Variants in RASSF5 observed in about 807,000 individuals in gnomAD.
RASSF5 encodes ras association domain-containing protein 5.
A neutral mutation model predicts 40.5 loss-of-function variants in RASSF5; 25 were observed. That is an observed-to-expected ratio of 0.62 (90% confidence interval 0.45 to 0.86). RASSF5 has a LOEUF of 0.86. RASSF5 is among the 40% of genes least tolerant of loss of function. RASSF5 has a pLI of 0.00. For missense variants in RASSF5, 521 were observed against 572.8 expected (o/e 0.91, Z 0.92); for synonymous variants, 246 against 252.4 (o/e 0.97, Z 0.24).
At chr1:206,514,647 T>C (rs1325564950) in intron 1 of RASSF5, among the ~76,000 whole-genome samples, 5 of 152,210 alleles carry the variant, frequency 3.3e-5, no homozygotes, top group Non-Finnish European at 2.9e-5. Context: ...TTGGCTTACA[T>C]AGACCTTTAA....
At position 206,535,687 on chromosome 1, in the gene RASSF5, G is replaced by A. The variant is rs937227436; in HGVS notation, c.458-2485G>A. Among the ~76,000 whole-genome samples, 9 of 134,072 alleles carry A rather than the reference G, an allele frequency of 6.7e-5. No homozygotes were observed. The East Asian group carries it at 1.4e-3, about 21-fold the overall frequency. The allele number at this position is 134,072 out of a possible 152,430, so 88.0% of individuals were successfully genotyped here. A position where few individuals can be genotyped will look rare whatever the true frequency, so the allele number is the denominator to read the frequency against. On this transcript the variant is annotated intron_variant, in intron 1 of 5. Transcript: ENST00000579436. This position sits in a 1 kb window ranked among gnomAD's most constrained non-coding sequence, Gnocchi z 5.0. ...CTCAGCATGGTGATGTTTTCAGGGT[G>A]TGTGTGTGTGTGTGTCTGTGTGTGT...
rs1553407216 is a variant in RASSF5, at chr1:206,584,703, C to T, written c.988+19C>T. On this transcript the variant is annotated intron_variant, in intron 4 of 5. Transcript: ENST00000579436. The surrounding 1 kb of genome is among the most constrained non-coding windows in gnomAD (Gnocchi z 4.9). ...GGACAAGGTAGGAGAAAGAGTGAAC[C>T]CAACCAGACCGTTCCCTTCCTACCT... The T allele has an allele frequency of 5.0e-6, 8 of 1,613,618 alleles. No homozygotes were observed. Among genetic ancestry groups the T allele is most frequent in the African/African-American group, 1.3e-5 (1 of 74,842 alleles).
At chr1:206,566,622 C>T (rs1217845568) in intron 2 of RASSF5, among the ~76,000 whole-genome samples, 1 of 152,198 alleles carries the variant, frequency 6.6e-6, no homozygotes, top group African/African-American at 2.4e-5. Flanking sequence ...CTATCCCCTC[C>T]GTTGGCTGGA....
In RASSF5 at chr1:206,587,181, C is replaced by G. The variant is rs1029730969; in HGVS notation, c.*203C>G. The stretch of plus-strand genomic sequence containing the variant: ...TGCCCGCCCCCAGGCTGTGCCCCAC[C>G]ACAGATTCTGCCAAGGATCAGAACT... On this transcript the variant is annotated 3_prime_UTR_variant, in exon 6 of 6. Transcript: ENST00000579436. 3.4e-5 allele frequency: 20 copies of G among 582,534 alleles called. No individual in the cohort carries two copies. In the Admixed American group the frequency reaches 4.2e-4, roughly 12 times the overall value. 36.1% of individuals were successfully genotyped at this position (582,534 alleles called of 1,614,324 possible). A position where few individuals can be genotyped will look rare whatever the true frequency, so the allele number is the denominator to read the frequency against.
chr1:206,520,109 T>G (rs115199472), intron 1 of RASSF5, among the ~76,000 whole-genome samples: 402 of 152,290 alleles, frequency 2.6e-3, no homozygotes, highest in African/African-American at 9.3e-3. Flanking sequence ...AGGGGCAGCA[T>G]TAAGGTCAGG....
intron 1 of RASSF5, among the ~76,000 whole-genome samples, chr1:206,525,608 A>AAAAAC (rs373243297): frequency 3.1e-3 from 477 of 152,278 alleles, no homozygotes; most frequent in Non-Finnish European, 5.8e-3. Context: ...GCTGTTTTAC[A>AAAAAC]AAAACAAAAC....
At chr1:206,583,866 G>A (rs891635611) in intron 3 of RASSF5, among the ~76,000 whole-genome samples, 1 of 152,206 alleles carries the variant, frequency 6.6e-6, no homozygotes, top group Non-Finnish European at 1.5e-5. Flanking sequence ...CCTGCTGGTG[G>A]CTGGCATCAG....
intron 1 of RASSF5, among the ~76,000 whole-genome samples, chr1:206,523,400 AT>A (rs1226897617): frequency 9.8e-6 from 1 of 102,384 alleles, no homozygotes; most frequent in Non-Finnish European, 2.0e-5. Context: ...TTTAATATAA[AT>A]ATAAATATTA....
At chr1:206,550,730 A>G (rs1022910788) in intron 2 of RASSF5, among the ~76,000 whole-genome samples, 5 of 152,214 alleles carry the variant, frequency 3.3e-5, no homozygotes, top group African/African-American at 7.2e-5. Context: ...CCTTGCCCCT[A>G]TGGTGTTTTA....
chr1:206,510,969 C>T (rs782400169), intron 1 of RASSF5, among the ~76,000 whole-genome samples: 6 of 152,280 alleles, frequency 3.9e-5, no homozygotes, highest in Non-Finnish European at 8.8e-5. Flanking sequence ...CAGAAGGGCA[C>T]TTTAGTAAGG....
intron 2 of RASSF5, among the ~76,000 whole-genome samples, chr1:206,564,650 C>T (rs1329858695): frequency 1.3e-5 from 2 of 152,190 alleles, no homozygotes; most frequent in African/African-American, 4.8e-5. Flanking sequence ...AGGTACCCCA[C>T]ACCTGTGTAT....
intron 1 of RASSF5, 119 bp from the exon 2 acceptor site, chr1:206,538,053 T>C: frequency 7.1e-7 from 1 of 1,410,934 alleles, no homozygotes; most frequent in Non-Finnish European, 9.9e-7. Flanking sequence ...CCCCACCACT[T>C]CTCTCCTGCA....
chr1:206,523,484 A>AATATTATATATTATATATTTTAT (rs538857763), intron 1 of RASSF5, among the ~76,000 whole-genome samples: 4 of 88,006 alleles, frequency 4.5e-5, no homozygotes, highest in Non-Finnish European at 6.3e-5. Flanking sequence ...TACAATATAT[A>AATATTATATATTATATATTTTAT]ATATTATATA....
intron 2 of RASSF5, among the ~76,000 whole-genome samples, chr1:206,581,344 T>C (rs954269315): frequency 1.3e-5 from 2 of 152,148 alleles, no homozygotes; most frequent in Non-Finnish European, 2.9e-5. Context: ...ACACCTGTAA[T>C]GCCAGCACTT....
At chr1:206,557,723 T>TTCGTGGGGGGAAATAACCTCTGTGG (rs781870698) in intron 2 of RASSF5, 1 of 1,610,348 alleles carries the variant, frequency 6.2e-7, no homozygotes, top group African/African-American at 1.3e-5. Context: ...GCAGGAGCCT[T>TTCGTGGGGGGAAATAACCTCTGTGG]TCGTGGGGGG....
intron 2 of RASSF5, among the ~76,000 whole-genome samples, chr1:206,566,362 C>T (rs892267527): frequency 6.6e-6 from 1 of 152,132 alleles, no homozygotes; most frequent in Admixed American, 6.5e-5. Flanking sequence ...AAATTCAGGC[C>T]GTTTTTTCCT....
At chr1:206,582,775 G>C (rs781925918) in intron 2 of RASSF5, among the ~76,000 whole-genome samples, 1 of 152,188 alleles carries the variant, frequency 6.6e-6, no homozygotes, top group Non-Finnish European at 1.5e-5. Context: ...TTGTCTTCCC[G>C]ATCAGTAGTA....
chr1:206,551,442 T>G (rs1185626978), intron 2 of RASSF5, among the ~76,000 whole-genome samples: 1 of 152,196 alleles, frequency 6.6e-6, no homozygotes, highest in African/African-American at 2.4e-5. Flanking sequence ...GCTTTCTCCA[T>G]GGCTCCTTCA....
Position 206,513,493 on chromosome 1 carries a change from C to A in RASSF5, c.457+5434C>A, listed in dbSNP as rs1371933292. 6.6e-6 allele frequency among the ~76,000 whole-genome samples: 1 copy of A among 152,220 alleles called. No homozygotes were observed. The highest frequency in any genetic ancestry group is 6.5e-5 in the Admixed American group (1 of 15,292). ...ACCAGCTGGTATGATTTCCTTCTCA[C>A]AAGCTTGCAGACCTGGGTCTGTGCT... On this transcript the variant is annotated intron_variant, in intron 1 of 5. Coordinates refer to ENST00000579436, the MANE Select transcript of RASSF5 (RefSeq NM_182663.4). This position sits in a 1 kb window ranked among gnomAD's most constrained non-coding sequence, Gnocchi z 5.0.
Sources: allele counts gnomAD v4.1 joint callset (sites outside exome capture counted in the v4.1 genomes callset), GRCh38; gene constraint gnomAD v4.1.1; non-coding constraint Gnocchi (gnomAD v3.1); transcripts MANE v1.5; gene names NCBI Gene and HGNC (gene_info 2026-07-23, HGNC 2026-07-21).